Variants in RBPMS observed in about 807,000 individuals in gnomAD.
RBPMS encodes the protein RNA-binding protein with multiple splicing.
A neutral mutation model predicts 26.8 loss-of-function variants in RBPMS; 7 were observed. The ratio of observed to expected loss-of-function variants is 0.26; its 90% CI spans 0.15 to 0.49. The LOEUF is 0.49. RBPMS is among the 20% of genes least tolerant of loss of function. RBPMS has a pLI of 0.98. For missense variants in RBPMS, 186 were observed against 250.0 expected (o/e 0.74, Z 1.73); for synonymous variants, 96 against 93.3 (o/e 1.03, Z -0.17).
chr8:30,385,068 G>A lies in RBPMS; in HGVS notation c.-25G>A, dbSNP rs769368332. 6 of 1,497,170 alleles carry A rather than the reference G, an allele frequency of 4.0e-6. No individual in the cohort carries two copies. In the Admixed American group the frequency reaches 1.1e-4, roughly 28 times the overall value. 92.7% of individuals were successfully genotyped at this position (1,497,170 alleles called of 1,614,324 possible). A position where few individuals can be genotyped will look rare whatever the true frequency, so the allele number is the denominator to read the frequency against. ...CCAGCCCCGCGCCCCAGCCCTGCCCGGCCCGGCGAGGAAGGACCGGGAAGA... is the reference window on the plus strand; with the variant it reads ...CCAGCCCCGCGCCCCAGCCCTGCCCAGCCCGGCGAGGAAGGACCGGGAAGA... On this transcript the variant is annotated 5_prime_UTR_variant, in exon 1 of 9. Transcript: ENST00000397323.
intron 1 of RBPMS, among the ~76,000 whole-genome samples, chr8:30,418,424 G>A (rs1367905502): frequency 6.6e-6 from 1 of 152,056 alleles, no homozygotes; most frequent in African/African-American, 2.4e-5. Context: ...CTAGAAGAGG[G>A]CATTTCATTG....
rs535602327 is a variant in RBPMS, at chr8:30,410,607, T to A, written c.66+25449T>A. ...ATAGATATGTATATATAAATATAAA[T>A]AAAATTAACTGCTACTCTTTTATAT... On this transcript the variant is annotated intron_variant, in intron 1 of 8. Transcript: ENST00000397323. Among the ~76,000 whole-genome samples, 4 of 152,090 alleles carry A rather than the reference T, an allele frequency of 2.6e-5. No individual in the cohort carries two copies. The East Asian group carries it at 7.7e-4, about 29-fold the overall frequency.
Position 30,498,170 on chromosome 8 carries a change from G to A in RBPMS, c.247-6116G>A, listed in dbSNP as rs932157708. Among the ~76,000 whole-genome samples the A allele has an allele frequency of 5.1e-4, 77 of 151,854 alleles. 1 individual carries two copies. Among genetic ancestry groups the A allele is most frequent in the Non-Finnish European group, 8.8e-5 (6 of 68,008 alleles). ...ACTGGATCAACAGATCAGAATGGAA[G>A]TGTAGGAAGCTCTAGCAGAATCTGA... On this transcript the variant is annotated intron_variant, in intron 4 of 8. Transcript: ENST00000397323.
At position 30,489,843 on chromosome 8, in the gene RBPMS, C is replaced by T. The variant is rs189200440; in HGVS notation, c.246+10466C>T. ...GTTTTGTTTTTGAGACGGAGTCTCG[C>T]TGTGTTACCCAGGCTGGAGTGCAGT... On this transcript the variant is annotated intron_variant, in intron 4 of 8. Coordinates refer to ENST00000397323, the MANE Select transcript of RBPMS (RefSeq NM_001008710.3). Among the ~76,000 whole-genome samples the T allele has an allele frequency of 8.8e-3, 1,340 of 151,930 alleles. 13 individuals are homozygous for T. The highest frequency in any genetic ancestry group is 0.027 in the African/African-American group (1,136 of 41,392).
intron 1 of RBPMS, among the ~76,000 whole-genome samples, chr8:30,450,815 G>C (rs1814495464): frequency 1.2e-5 from 1 of 82,696 alleles, no homozygotes. Flanking sequence ...AAAAAAGTGT[G>C]TTTTTGAAAA....
At chr8:30,556,321 TGAC>T in intron 6 of RBPMS, 2 of 985,704 alleles carry the variant, frequency 2.0e-6, no homozygotes, top group Non-Finnish European at 2.4e-6. Context: ...TCGACCAGGC[TGAC>T]GAGAGCCTGA....
intron 3 of RBPMS, 82 bp from the exon 4 acceptor site, chr8:30,479,233 C>T: frequency 1.0e-6 from 1 of 984,982 alleles, no homozygotes; most frequent in Non-Finnish European, 1.6e-6. Context: ...TATCTTAGCT[C>T]TTCAGTTTGA....
chr8:30,460,439 G>T (rs1262945773), intron 1 of RBPMS, among the ~76,000 whole-genome samples: 2 of 152,266 alleles, frequency 1.3e-5, no homozygotes, highest in East Asian at 3.9e-4. Context: ...AAAGTGGATG[G>T]TTCTTAGTAG....
chr8:30,529,830 C>G (rs545413543), intron 5 of RBPMS, among the ~76,000 whole-genome samples: 1 of 151,440 alleles, frequency 6.6e-6, no homozygotes, highest in Non-Finnish European at 1.5e-5. Context: ...CTCGGCTCAC[C>G]GCATCCTTTG....
chr8:30,504,348 G>A lies in RBPMS; in HGVS notation c.309G>A (p.Thr103=), dbSNP rs373255029. 5.0e-6 allele frequency: 8 copies of A among 1,614,036 alleles called. No homozygotes were observed. The highest frequency in any genetic ancestry group is 1.7e-5 in the Admixed American group (1 of 60,010). ...TLRLEFAKAN[T]KMAKNKLVGT... is the part of the protein sequence containing the mutation. The stretch of plus-strand genomic sequence containing the variant: ...GACTAGAGTTTGCTAAGGCAAACAC[G>A]AAGATGGCCAAGAACAAACTCGTAG... The change falls in exon 5 of 9, where the codon ACG becomes ACA. Residue 103 remains threonine, a synonymous_variant. Transcript: ENST00000397323.
chr8:30,460,127 G>T (rs1030468250), intron 1 of RBPMS, among the ~76,000 whole-genome samples: 1 of 152,128 alleles, frequency 6.6e-6, no homozygotes, highest in Non-Finnish European at 1.5e-5. Context: ...GTAGGATGGG[G>T]CATATTAATT....
At chr8:30,413,192 C>T in intron 1 of RBPMS, among the ~76,000 whole-genome samples, 1 of 152,170 alleles carries the variant, frequency 6.6e-6, no homozygotes, top group Non-Finnish European at 1.5e-5. Context: ...GATTCTCCTG[C>T]CTCAGCCTCC....
intron 4 of RBPMS, among the ~76,000 whole-genome samples, chr8:30,494,822 G>A (rs1420486041): frequency 1.3e-5 from 2 of 152,150 alleles, no homozygotes; most frequent in Admixed American, 6.6e-5. Flanking sequence ...TTCTAGGTTC[G>A]GGGGCAGACA....
intron 1 of RBPMS, among the ~76,000 whole-genome samples, chr8:30,472,228 T>C (rs1039435351): frequency 2.0e-5 from 3 of 152,208 alleles, no homozygotes; most frequent in Non-Finnish European, 4.4e-5. Context: ...TAAAAAGGAA[T>C]AGACTGTTGA....
chr8:30,550,958 T>C (rs1826313842), intron 6 of RBPMS, among the ~76,000 whole-genome samples: 1 of 152,216 alleles, frequency 6.6e-6, no homozygotes, highest in South Asian at 2.1e-4. Flanking sequence ...GGAGAAAGAA[T>C]CACAGGTCAC....
At chr8:30,428,020 C>CTTTTTTTTTTTTTTTTTTTT (rs58756060) in intron 1 of RBPMS, among the ~76,000 whole-genome samples, 1 of 103,940 alleles carries the variant, frequency 9.6e-6, no homozygotes, top group Non-Finnish European at 1.9e-5. Flanking sequence ...GAGACCCCAT[C>CTTTTTTTTTTTTTTTTTTTT]TTTTTTTTTT....
chr8:30,444,327 A>G (rs1477476834), intron 1 of RBPMS, among the ~76,000 whole-genome samples: 2 of 152,246 alleles, frequency 1.3e-5, no homozygotes, highest in Admixed American at 6.5e-5. Flanking sequence ...ACTAAGCGGG[A>G]TAAATTAAAG....
intron 1 of RBPMS, among the ~76,000 whole-genome samples, chr8:30,392,656 G>A (rs551354007): frequency 2.0e-4 from 30 of 152,334 alleles, no homozygotes; most frequent in African/African-American, 4.8e-4. Context: ...CAGCAGCCTG[G>A]CAGTGGCAAC....
intron 4 of RBPMS, among the ~76,000 whole-genome samples, chr8:30,490,371 ATC>A (rs1430269684): frequency 6.6e-6 from 1 of 152,106 alleles, no homozygotes; most frequent in Non-Finnish European, 1.5e-5. Flanking sequence ...TTCTAATTGA[ATC>A]TCTGTTTCGA....
Sources: allele counts gnomAD v4.1 joint callset (sites outside exome capture counted in the v4.1 genomes callset), GRCh38; gene constraint gnomAD v4.1.1; transcripts MANE v1.5; gene names NCBI Gene and HGNC (gene_info 2026-07-23, HGNC 2026-07-21).